IARS1: variants seen among roughly 807,000 people sequenced by gnomAD.
IARS1 encodes the protein isoleucyl-tRNA synthetase 1, also known as isoleucine--tRNA ligase, cytoplasmic.
A neutral mutation model predicts 168.2 loss-of-function variants in IARS1; 124 were observed. The ratio of observed to expected loss-of-function variants is 0.74; its 90% confidence interval spans 0.64 to 0.86. IARS1 has a LOEUF of 0.86. IARS1 is among the 40% of genes least tolerant of loss of function. The pLI, the probability that IARS1 is intolerant of heterozygous loss-of-function variation, is 0.00. For missense variants in IARS1, 1,452 were observed against 1,515.8 expected, an observed-to-expected ratio of 0.96 and a Z score of 0.70; for synonymous variants, 532 against 529.4, an observed-to-expected ratio of 1.00 and a Z score of -0.07.
At chr9:92,238,784 C>T (rs1051305566) in intron 30 of IARS1, among the ~76,000 whole-genome samples, 1 of 152,192 alleles carries the variant, frequency 6.6e-6, no homozygotes, top group Non-Finnish European at 1.5e-5. Flanking sequence ...CTAAGGTCCA[C>T]TGGTGTCAAT....
At chr9:92,241,591 C>T in intron 29 of IARS1, among the ~76,000 whole-genome samples, 1 of 152,188 alleles carries the variant, frequency 6.6e-6, no homozygotes, top group Non-Finnish European at 1.5e-5. Flanking sequence ...ATCTGCTCGC[C>T]TTGGCCTCCC....
chr9:92,279,504 G>C (rs934162248), intron 7 of IARS1, among the ~76,000 whole-genome samples: 2 of 152,148 alleles, frequency 1.3e-5, no homozygotes, highest in Non-Finnish European at 2.9e-5. Context: ...TTTCCAGTAG[G>C]TCAACTCTTA....
At chr9:92,222,458 T>C (rs186463913) in intron 33 of IARS1, 62 bp downstream of exon 33, 1 of 1,420,624 alleles carries the variant, frequency 7.0e-7, no homozygotes, top group African/African-American at 1.4e-5. Flanking sequence ...CTACAAATGG[T>C]TAATGGCATC....
intron 33 of IARS1, among the ~76,000 whole-genome samples, 180 bp downstream of exon 33, chr9:92,222,340 C>CAAAAAAAA (rs60335070): frequency 3.4e-4 from 19 of 55,386 alleles, no homozygotes; most frequent in Admixed American, 1.1e-3. Context: ...GACTCAGTCT[C>CAAAAAAAA]AAAAAAAAAA....
intron 26 of IARS1, 108 bp downstream of exon 26, chr9:92,247,269 G>A (rs943703583): frequency 6.1e-6 from 6 of 979,650 alleles, no homozygotes; most frequent in South Asian, 3.2e-5. Flanking sequence ...GACGGGACAC[G>A]ACAGGACAGG....
chr9:92,288,782 T>C (rs1835857061), intron 2 of IARS1, among the ~76,000 whole-genome samples: 1 of 152,168 alleles, frequency 6.6e-6, no homozygotes, highest in Non-Finnish European at 1.5e-5. Context: ...ACATAAATTT[T>C]ACTCAGATGA....
At chr9:92,228,923 T>C (rs1826183773) in intron 31 of IARS1, 78 bp downstream of exon 31, 3 of 1,564,774 alleles carry the variant, frequency 1.9e-6, no homozygotes, top group Admixed American at 1.7e-5. Flanking sequence ...AGTTGTATAG[T>C]ACAACTGACA....
chr9:92,221,506 T>A (rs888919469), intron 33 of IARS1, among the ~76,000 whole-genome samples: 8 of 152,192 alleles, frequency 5.3e-5, no homozygotes, highest in Non-Finnish European at 1.0e-4. Context: ...GTGATTGCAG[T>A]GGCAGCAATA....
At chr9:92,218,042 C>T (rs1433650101) in intron 33 of IARS1, among the ~76,000 whole-genome samples, 1 of 152,182 alleles carries the variant, frequency 6.6e-6, no homozygotes, top group Admixed American at 6.5e-5. Flanking sequence ...ACTGGCAAAA[C>T]GAATCCAGCA....
At chr9:92,223,788 A>C (rs942475684) in intron 31 of IARS1, among the ~76,000 whole-genome samples, 1 of 152,208 alleles carries the variant, frequency 6.6e-6, no homozygotes, top group Non-Finnish European at 1.5e-5. Context: ...ATTTCCTCCT[A>C]TATCAGAATC....
At position 92,280,714 on chromosome 9, in the gene IARS1, T is replaced by C. The variant is rs1202204434; in HGVS notation, c.745+32A>G. 2.0e-6 allele frequency: 3 copies of C among 1,469,094 alleles called. No individual in the cohort carries two copies. In the East Asian group the frequency reaches 7.0e-5, roughly 34 times the overall value. 91.0% of individuals were successfully genotyped at this position (1,469,094 alleles called of 1,614,324 possible). On this transcript the variant is annotated intron_variant, in intron 7 of 33. Coordinates refer to ENST00000443024, the MANE Select transcript of IARS1 (RefSeq NM_002161.6). ...CCAAAATATAAAATTATCTTATCCA[T>C]ATTAATCATAAGTAACCAGCCTCCC...
chr9:92,263,750 GAGA>G (rs1361279858), intron 16 of IARS1, among the ~76,000 whole-genome samples: 2 of 152,216 alleles, frequency 1.3e-5, no homozygotes, highest in African/African-American at 4.8e-5. Context: ...CTCAGGAATG[GAGA>G]AGGAGGCAGG....
chr9:92,268,414 C>T lies in IARS1; in HGVS notation c.1305-114G>A, dbSNP rs867829071. On this transcript the variant is annotated intron_variant, in intron 13 of 33. Coordinates refer to ENST00000443024, the MANE Select transcript of IARS1 (RefSeq NM_002161.6). ...CTTTGTGGACCAAACACTCTGGAAA[C>T]GTGGCGCTCACTGCAAAGAGAATGT... The T allele has an allele frequency of 9.1e-5, 92 of 1,010,444 alleles. No homozygotes were observed. In the Middle Eastern group the frequency reaches 1.9e-3, roughly 21 times the overall value. The allele number at this position is 1,010,444 out of a possible 1,614,324, so 62.6% of individuals were successfully genotyped here.
chr9:92,253,145 G>T (rs1379353635), intron 21 of IARS1, among the ~76,000 whole-genome samples: 3 of 152,112 alleles, frequency 2.0e-5, no homozygotes, highest in African/African-American at 4.8e-5. Flanking sequence ...ACATAATTGT[G>T]TTGTGAAAAT....
chr9:92,284,179 AAACAAC>A (rs898945022), intron 6 of IARS1, among the ~76,000 whole-genome samples: 2 of 152,178 alleles, frequency 1.3e-5, no homozygotes, highest in African/African-American at 2.4e-5. Context: ...CCTATCTCAA[AAACAAC>A]AACAACAACA....
At chr9:92,251,601 G>C (rs555318265) in intron 22 of IARS1, among the ~76,000 whole-genome samples, 3 of 152,188 alleles carry the variant, frequency 2.0e-5, no homozygotes, top group African/African-American at 7.2e-5. Context: ...CTGTAAGAAA[G>C]AATCTAGTAT....
At chr9:92,281,216 C>T (rs1370856109) in intron 6 of IARS1, among the ~76,000 whole-genome samples, 6 of 151,278 alleles carry the variant, frequency 4.0e-5, no homozygotes, top group African/African-American at 1.2e-4. Flanking sequence ...TCACTGCAGC[C>T]CCTGCCTCCT....
intron 31 of IARS1, among the ~76,000 whole-genome samples, chr9:92,227,296 G>A (rs1476707466): frequency 6.6e-6 from 1 of 151,232 alleles, no homozygotes; most frequent in Non-Finnish European, 1.5e-5. Context: ...TTGTCATCAT[G>A]GCCCGTTCTC....
chr9:92,219,921 C>T (rs1319540061), intron 33 of IARS1, among the ~76,000 whole-genome samples: 6 of 151,952 alleles, frequency 3.9e-5, no homozygotes, highest in African/African-American at 7.3e-5. Context: ...TTACTGGGTA[C>T]ATACCCAAAG....
Sources: allele counts gnomAD v4.1 joint callset (sites outside exome capture counted in the v4.1 genomes callset), GRCh38; gene constraint gnomAD v4.1.1; transcripts MANE v1.5; gene names NCBI Gene and HGNC (gene_info 2026-07-23, HGNC 2026-07-21).